HOOK3: variants seen among roughly 807,000 people sequenced by gnomAD.
HOOK3 encodes the protein protein Hook homolog 3.
A neutral mutation model predicts 116.3 loss-of-function variants in HOOK3; 24 were observed. The ratio of observed to expected loss-of-function variants is 0.21; its 90% CI spans 0.15 to 0.29. The LOEUF is 0.29. Among genes scored for constraint, HOOK3 ranks in the 10% least tolerant of loss-of-function variants. HOOK3 has a pLI of 1.00. For missense variants in HOOK3, 632 were observed against 830.2 expected (o/e 0.76, Z 2.93); for synonymous variants, 275 against 283.0 (o/e 0.97, Z 0.28).
At chr8:42,918,681 C>T (rs143249221) in intron 2 of HOOK3, among the ~76,000 whole-genome samples, 2,243 of 152,196 alleles carry the variant, frequency 0.015, 31 homozygotes, top group Non-Finnish European at 0.022. Context: ...CATCTTGCAC[C>T]GCCCTTGATC....
At chr8:42,919,834 C>T (rs945970134) in intron 2 of HOOK3, among the ~76,000 whole-genome samples, 2 of 152,054 alleles carry the variant, frequency 1.3e-5, no homozygotes, top group Admixed American at 6.6e-5. Context: ...CCCAGGCACT[C>T]GGCAGGCTGA....
chr8:42,936,184 G>A (rs913452078), intron 4 of HOOK3, among the ~76,000 whole-genome samples: 5 of 151,990 alleles, frequency 3.3e-5, no homozygotes, highest in African/African-American at 7.2e-5. Flanking sequence ...TTATGATTTG[G>A]TTATTTGTCT....
chr8:42,973,418 C>A lies in HOOK3; in HGVS notation c.1233+19C>A. 6.4e-7 allele frequency: 1 copy of A among 1,559,246 alleles called. No homozygotes were observed. Among genetic ancestry groups the A allele is most frequent in the Non-Finnish European group, 8.7e-7 (1 of 1,148,044 alleles). On this transcript the variant is annotated intron_variant, in intron 12 of 21. Transcript: ENST00000307602. ...AAAGGACGTGAGTATATATATTAGGCATTTTGGTTTTGAGCACTGCTAAAA... is the reference window on the plus strand; with the variant it reads ...AAAGGACGTGAGTATATATATTAGGAATTTTGGTTTTGAGCACTGCTAAAA...
chr8:42,990,455 C>T (rs1182290294), intron 15 of HOOK3, among the ~76,000 whole-genome samples: 4 of 146,372 alleles, frequency 2.7e-5, no homozygotes, highest in East Asian at 4.2e-4. Context: ...ATCTTCCCAC[C>T]TCATCTTCCA....
At chr8:43,006,154 G>GAGTAGCT (rs1809484636) in intron 17 of HOOK3, among the ~76,000 whole-genome samples, 1 of 150,936 alleles carries the variant, frequency 6.6e-6, no homozygotes, top group Non-Finnish European at 1.5e-5. Context: ...CCGAGTAGCT[G>GAGTAGCT]GGACTACAGG....
intron 6 of HOOK3, among the ~76,000 whole-genome samples, chr8:42,956,020 C>T (rs1471977182): frequency 1.3e-5 from 2 of 152,104 alleles, no homozygotes; most frequent in East Asian, 3.9e-4. Flanking sequence ...GGATGCTTAC[C>T]ACCACACCCA....
intron 2 of HOOK3, among the ~76,000 whole-genome samples, chr8:42,918,408 G>T (rs777652702): frequency 6.6e-6 from 1 of 151,668 alleles, no homozygotes. Flanking sequence ...AAATTTAGGT[G>T]TTTTTTTTAA....
intron 15 of HOOK3, among the ~76,000 whole-genome samples, chr8:42,996,062 T>C (rs1174489296): frequency 1.3e-5 from 2 of 152,100 alleles, no homozygotes; most frequent in Non-Finnish European, 2.9e-5. Flanking sequence ...GTCTCCTGAA[T>C]GTTGCATCAT....
At chr8:42,977,362 A>G (rs796309459) in intron 13 of HOOK3, among the ~76,000 whole-genome samples, 3 of 152,284 alleles carry the variant, frequency 2.0e-5, no homozygotes, top group African/African-American at 7.2e-5. Context: ...AACCAACCAC[A>G]GAAGGGTGTG....
At chr8:43,000,283 A>G (rs1433425181) in intron 16 of HOOK3, 2 of 1,285,422 alleles carry the variant, frequency 1.6e-6, no homozygotes, top group Non-Finnish European at 2.0e-6. Flanking sequence ...TATTGTAAGT[A>G]TGGCTTCCTT....
rs879478645 is a variant in HOOK3, at chr8:42,947,993, TCTTA to T, written c.401-2391_401-2388del. 7.2e-5 allele frequency among the ~76,000 whole-genome samples: 11 copies of T among 152,292 alleles called. No individual in the cohort carries two copies. The East Asian group carries it at 7.7e-4, about 11-fold the overall frequency. ...ACTCAGTGCACATTTGTCTTGGCTA[TCTTA>T]CTTCTCAAATTGGGGCAAATAAAAT... On this transcript the variant is annotated intron_variant, in intron 5 of 21. Coordinates refer to ENST00000307602, the MANE Select transcript of HOOK3 (RefSeq NM_032410.4).
At chr8:42,939,872 A>G (rs1808069532) in intron 4 of HOOK3, among the ~76,000 whole-genome samples, 1 of 145,996 alleles carries the variant, frequency 6.8e-6, no homozygotes, top group Non-Finnish European at 1.5e-5. Flanking sequence ...CGCTCCCCAC[A>G]TCTCAGACGA....
At chr8:42,999,918 G>A (rs917319818) in intron 16 of HOOK3, among the ~76,000 whole-genome samples, 3 of 151,992 alleles carry the variant, frequency 2.0e-5, no homozygotes, top group Admixed American at 6.6e-5. Context: ...AGGCCGAGGC[G>A]GGCAGATCAC....
At chr8:42,906,944 T>C (rs541486576) in intron 2 of HOOK3, among the ~76,000 whole-genome samples, 4 of 152,346 alleles carry the variant, frequency 2.6e-5, no homozygotes, top group African/African-American at 9.6e-5. Flanking sequence ...GTGTTTATGT[T>C]TGTTGAGTGA....
intron 2 of HOOK3, among the ~76,000 whole-genome samples, chr8:42,922,562 A>T (rs907888939): frequency 3.3e-5 from 5 of 151,934 alleles, no homozygotes; most frequent in Admixed American, 2.6e-4. Flanking sequence ...GTCTCTTAAA[A>T]AAAAAATTAA....
At chr8:42,909,407 G>A (rs73635343) in intron 2 of HOOK3, among the ~76,000 whole-genome samples, 2,182 of 152,276 alleles carry the variant, frequency 0.014, 52 homozygotes, top group African/African-American at 0.051. Flanking sequence ...GCCTATTAGC[G>A]AATGGATCGA....
In HOOK3 at chr8:42,964,743, C is replaced by T. The variant is rs558972588; in HGVS notation, c.779+269C>T. ...TCGGGAGGCTGAGAAATGAGAATCG[C>T]GTGAACTGGGGGTGTGGAGATTTCG... On this transcript the variant is annotated intron_variant, in intron 9 of 21. Transcript: ENST00000307602. Among the ~76,000 whole-genome samples, 3 of 151,586 alleles carry T rather than the reference C, an allele frequency of 2.0e-5. No individual in the cohort carries two copies. In the South Asian group the frequency reaches 6.2e-4, roughly 32 times the overall value.
chr8:43,026,538 C>G lies in HOOK3; in HGVS notation c.*8040C>G, dbSNP rs1202599246. On this transcript the variant is annotated 3_prime_UTR_variant, in exon 22 of 22. Transcript: ENST00000307602. The stretch of plus-strand genomic sequence containing the variant: ...TCTTTTATAATGTAATACTTAGAAG[C>G]CAAATCCTTTCAAACGCAAACACCC... 9.4e-6 allele frequency: 2 copies of G among 212,528 alleles called. No homozygotes were observed. Among genetic ancestry groups the G allele is most frequent in the African/African-American group, 2.3e-5 (1 of 44,196 alleles). 13.2% of individuals were successfully genotyped at this position (212,528 alleles called of 1,614,324 possible). A position where few individuals can be genotyped will look rare whatever the true frequency, so the allele number is the denominator to read the frequency against.
At chr8:43,003,990 C>T (rs73627282) in intron 17 of HOOK3, among the ~76,000 whole-genome samples, 7,204 of 152,230 alleles carry the variant, frequency 0.047, 343 homozygotes, top group African/African-American at 0.12. Context: ...AGTTAAAACT[C>T]CAATTTTTCT....
Sources: allele counts gnomAD v4.1 joint callset (sites outside exome capture counted in the v4.1 genomes callset), GRCh38; gene constraint gnomAD v4.1.1; transcripts MANE v1.5; gene names NCBI Gene and HGNC (gene_info 2026-07-23, HGNC 2026-07-21).